The following ABCE1 variants were observed in gnomAD, a reference collection of about 807,000 sequenced individuals.
ABCE1 encodes ATP binding cassette subfamily E member 1.
ABCE1 carries 22 observed loss-of-function variants against 83.4 expected under a neutral mutation model. The ratio of observed to expected loss-of-function variants is 0.26; its 90% CI spans 0.19 to 0.38. ABCE1 has a LOEUF of 0.38. ABCE1 is among the 10% of genes least tolerant of loss of function. ABCE1 has a pLI of 1.00. For synonymous variants in ABCE1, 204 were observed against 233.7 expected, an observed-to-expected ratio of 0.87 and a Z score of 1.16; for missense variants, 330 against 721.9, an observed-to-expected ratio of 0.46 and a Z score of 6.22.
chr4:145,100,690 C>T (rs564061337), intron 1 of ABCE1, among the ~76,000 whole-genome samples: 6 of 152,276 alleles, frequency 3.9e-5, no homozygotes, highest in African/African-American at 9.6e-5. Flanking sequence ...ATAGAGTCAA[C>T]CTGTTTATTG....
chr4:145,107,911 A>C, intron 3 of ABCE1, 104 bp from the exon 4 acceptor site: 2 of 848,192 alleles, frequency 2.4e-6, no homozygotes, highest in East Asian at 2.7e-5. Flanking sequence ...TCTTTATGAA[A>C]TCATGTTTAG....
At chr4:145,103,660 G>A (rs1455807058) in intron 1 of ABCE1, among the ~76,000 whole-genome samples, 4 of 152,170 alleles carry the variant, frequency 2.6e-5, no homozygotes, top group Non-Finnish European at 5.9e-5. Context: ...TGGGGGAAGA[G>A]CTTGTGGGAT....
chr4:145,109,049 C>A, intron 4 of ABCE1, 83 bp from the exon 5 acceptor site: 3 of 913,658 alleles, frequency 3.3e-6, no homozygotes, highest in Non-Finnish European at 3.5e-6. Context: ...AGTGCAGGTG[C>A]ATTAAAATAT....
At chr4:145,119,769 C>T (rs1280340117) in intron 10 of ABCE1, among the ~76,000 whole-genome samples, 163 bp from the exon 11 acceptor site, 1 of 151,810 alleles carries the variant, frequency 6.6e-6, no homozygotes, top group Non-Finnish European at 1.5e-5. Context: ...TTTAAACTTA[C>T]ATTAAATATA....
In ABCE1 at chr4:145,108,115, A is replaced by G; in HGVS notation, c.287+3A>G. 6.2e-7 allele frequency: 1 copy of G among 1,608,966 alleles called. No individual in the cohort carries two copies. Among genetic ancestry groups the G allele is most frequent in the Non-Finnish European group, 8.5e-7 (1 of 1,176,050 alleles). ...GCCAATGCCTTCAAACTTCACAGGT[A>G]TATTTTCACATCAGGATTCCTCTTC... On this transcript the variant is annotated splice_donor_region_variant and intron_variant, in intron 4 of 17. Coordinates refer to ENST00000296577, the MANE Select transcript of ABCE1 (RefSeq NM_002940.3).
chr4:145,120,173 A>T lies in ABCE1; in HGVS notation c.1144+20A>T. 1.3e-6 allele frequency: 2 copies of T among 1,576,918 alleles called. No individual in the cohort carries two copies. Among genetic ancestry groups the T allele is most frequent in the South Asian group, 1.2e-5 (1 of 85,376 alleles). ...AAAATGGTAAGTTTTCTGTTTTGTG[A>T]TAAGTAAAAATCTTCCTGTTTATCT... On this transcript the variant is annotated intron_variant, in intron 11 of 17. Coordinates refer to ENST00000296577, the MANE Select transcript of ABCE1 (RefSeq NM_002940.3).
rs748730970 is a variant in ABCE1 at position 145,128,251 on chromosome 4, G to GT, written c.*683dup. The GT allele has an allele frequency of 1.3e-5, 2 of 152,328 alleles. No individual in the cohort carries two copies. Among genetic ancestry groups the GT allele is most frequent in the African/African-American group, 2.4e-5 (1 of 41,370 alleles). The allele number at this position is 152,328 out of a possible 1,614,324, so 9.4% of individuals were successfully genotyped here. A position where few individuals can be genotyped will look rare whatever the true frequency, so the allele number is the denominator to read the frequency against. ...CCTAACTTTACTCTGAACTTTTTTT[G>GT]TTTTTGCATTCCATGAGGTTCTGTA... On this transcript the variant is annotated 3_prime_UTR_variant, in exon 18 of 18. Transcript: ENST00000296577.
rs116726911 is a variant in ABCE1, at chr4:145,127,286, A to G, written c.1753-240A>G. On this transcript the variant is annotated intron_variant, in intron 17 of 17. Coordinates refer to ENST00000296577, the MANE Select transcript of ABCE1 (RefSeq NM_002940.3). ...ATTTTATATATGTGAGGCATCTTATATAAAGGGACTTTACTTGAGTTGGTG... is the reference window on the plus strand; with the variant it reads ...ATTTTATATATGTGAGGCATCTTATGTAAAGGGACTTTACTTGAGTTGGTG... Among the ~76,000 whole-genome samples, 226 of 152,312 alleles carry G rather than the reference A, an allele frequency of 1.5e-3. 1 individual carries two copies. The highest frequency in any genetic ancestry group is 5.1e-3 in the African/African-American group (212 of 41,576).
chr4:145,124,647 C>A (rs959687832), intron 16 of ABCE1, among the ~76,000 whole-genome samples: 2 of 152,094 alleles, frequency 1.3e-5, no homozygotes, highest in Admixed American at 1.3e-4. Flanking sequence ...TTCTCATCCC[C>A]CCTAAAAATG....
At chr4:145,126,265 C>A (rs1472584234) in intron 17 of ABCE1, among the ~76,000 whole-genome samples, 1 of 151,908 alleles carries the variant, frequency 6.6e-6, no homozygotes. Flanking sequence ...ACTCTAAAAG[C>A]ATTTCTGGGT....
chr4:145,126,305 G>GT (rs1400456554), intron 17 of ABCE1, among the ~76,000 whole-genome samples: 3 of 151,916 alleles, frequency 2.0e-5, no homozygotes, highest in East Asian at 3.9e-4. Context: ...TTAGTTGTTT[G>GT]TTTTTTTGAG....
At chr4:145,123,757 A>C (rs1373290170) in intron 16 of ABCE1, 157 bp downstream of exon 16, 1 of 645,252 alleles carries the variant, frequency 1.5e-6, no homozygotes, top group East Asian at 3.0e-5. Flanking sequence ...GGATGGGACC[A>C]TGTGGAAGAG....
At chr4:145,122,362 T>C (rs1203706374) in intron 13 of ABCE1, 1 of 152,236 alleles carries the variant, frequency 6.6e-6, no homozygotes, top group Non-Finnish European at 1.5e-5. Flanking sequence ...CACATTATCA[T>C]GCATTTTGTG....
intron 9 of ABCE1, among the ~76,000 whole-genome samples, chr4:145,115,311 G>C (rs1260091961): frequency 6.6e-6 from 1 of 151,860 alleles, no homozygotes; most frequent in African/African-American, 2.4e-5. Flanking sequence ...GTAATACAAT[G>C]CTCCCTCACA....
At chr4:145,108,748 A>G (rs1408531604) in intron 4 of ABCE1, among the ~76,000 whole-genome samples, 1 of 152,224 alleles carries the variant, frequency 6.6e-6, no homozygotes, top group Non-Finnish European at 1.5e-5. Flanking sequence ...CAGGCCAGAA[A>G]AGAAAGACAT....
chr4:145,111,773 C>T (rs1383111266), intron 8 of ABCE1, among the ~76,000 whole-genome samples: 1 of 152,178 alleles, frequency 6.6e-6, no homozygotes, highest in Non-Finnish European at 1.5e-5. Flanking sequence ...AGTTTCCTTC[C>T]TTTATTTAGT....
At chr4:145,113,064 C>T (rs1749524457) in intron 9 of ABCE1, among the ~76,000 whole-genome samples, 1 of 151,984 alleles carries the variant, frequency 6.6e-6, no homozygotes, top group Non-Finnish European at 1.5e-5. Flanking sequence ...AAGAGAAATC[C>T]CAAATGGTCA....
chr4:145,117,241 T>A, intron 9 of ABCE1, 52 bp from the exon 10 acceptor site: 1 of 1,482,504 alleles, frequency 6.7e-7, no homozygotes, highest in East Asian at 2.3e-5. Context: ...AATTTCCAAC[T>A]ATTAAAAATA....
At chr4:145,104,949 T>C (rs1749257272) in intron 2 of ABCE1, among the ~76,000 whole-genome samples, 1 of 152,044 alleles carries the variant, frequency 6.6e-6, no homozygotes, top group Non-Finnish European at 1.5e-5. Flanking sequence ...GGTTTAACTA[T>C]ATTTTGAAGA....
Sources: gnomAD v4.1 joint callset for allele counts (sites outside exome capture counted in the v4.1 genomes callset) on GRCh38, gnomAD v4.1.1 for gene constraint, MANE v1.5 for transcripts, NCBI Gene and HGNC (gene_info 2026-07-23, HGNC 2026-07-21) for gene names.